The following SYPL2 variants were observed in gnomAD, a reference collection of about 807,000 sequenced individuals.
The protein encoded by SYPL2 is synaptophysin like 2.
Under a neutral mutation model 31.3 loss-of-function variants are expected in SYPL2, and 24 were observed. The ratio of observed to expected loss-of-function variants is 0.77; its 90% confidence interval spans 0.56 to 1.08. SYPL2 has a LOEUF of 1.08. Among genes scored for constraint, SYPL2 ranks in the 50% least tolerant of loss-of-function variants. The probability of loss-of-function intolerance (pLI) is 0.00; values close to 1 mark genes in which losing one functional copy is unlikely to be tolerated. For missense variants in SYPL2, 342 were observed against 360.1 expected, an observed-to-expected ratio of 0.95 and a Z score of 0.41; for synonymous variants, 144 against 143.1, an observed-to-expected ratio of 1.01 and a Z score of -0.05.
rs1158381642 is a variant in SYPL2 at position 109,478,031 on chromosome 1, G to T, written c.648+22G>T. ...CGTGGTGAGACCTGTGGCCACTGCA[G>T]GAAGCAGCACCAGCCCTGCTGCCCA... is the stretch of plus-strand genomic sequence containing the variant. On this transcript the variant is annotated intron_variant, in intron 5 of 5. Transcript: ENST00000369872. This position sits in a 1 kb window ranked among gnomAD's most constrained non-coding sequence, Gnocchi z 4.0. 3 of 1,612,854 alleles carry T rather than the reference G, an allele frequency of 1.9e-6. No homozygotes were observed. In the Admixed American group the frequency reaches 5.0e-5, roughly 27 times the overall value.
chr1:109,467,032 AC>A (rs138525393), intron 1 of SYPL2, 26 bp from the exon 2 acceptor site: 1,084,820 of 1,542,516 alleles, frequency 0.7, 387,097 homozygotes, highest in East Asian at 0.97. Flanking sequence ...CACCGCCCTG[AC>A]CCCCCGGCCG....
chr1:109,468,595 A>C (rs1047743808), intron 2 of SYPL2, among the ~76,000 whole-genome samples: 1 of 152,210 alleles, frequency 6.6e-6, no homozygotes, highest in African/African-American at 2.4e-5. Flanking sequence ...TAAGGCTCTG[A>C]GTGACTGGCA....
rs1035355382 is a variant in SYPL2, at chr1:109,475,664, G to A, written c.213G>A (p.Lys71=). The change falls in exon 3 of 6, where the codon AAG becomes AAA. Residue 71 remains lysine (K), a synonymous_variant. Transcript: ENST00000369872. ...GAMVRCNNEA[K]DVSSIIVAFG... ...TGGTTCGCTGCAACAACGAAGCCAA[G>A]GACGTGAGCTCCATCATCGTTGCAT... 1.2e-6 allele frequency: 2 copies of A among 1,614,054 alleles called. No individual in the cohort carries two copies. Among genetic ancestry groups the A allele is most frequent in the African/African-American group, 2.7e-5 (2 of 74,936 alleles).
In SYPL2 at chr1:109,480,611, A is replaced by G. The variant is rs1285949105; in HGVS notation, c.*1063A>G. 1 of 152,402 alleles carries G rather than the reference A, an allele frequency of 6.6e-6. No individual in the cohort carries two copies. Among genetic ancestry groups the G allele is most frequent in the Non-Finnish European group, 1.5e-5 (1 of 68,016 alleles). The allele number at this position is 152,402 out of a possible 1,614,324, so 9.4% of individuals were successfully genotyped here. A position where few individuals can be genotyped will look rare whatever the true frequency, so the allele number is the denominator to read the frequency against. On this transcript the variant is annotated 3_prime_UTR_variant, in exon 6 of 6. Coordinates refer to ENST00000369872, the MANE Select transcript of SYPL2 (RefSeq NM_001040709.2). ...CCAGAGCCCCAGGATGGATGGGCCC[A>G]TTTTTTCCTTATTCCCTGCTCAGTT...
intron 5 of SYPL2, 33 bp from the exon 6 acceptor site, chr1:109,479,345 C>T (rs1466646877): frequency 1.2e-6 from 2 of 1,609,854 alleles, no homozygotes; most frequent in South Asian, 2.2e-5. Flanking sequence ...GACCCCCTGA[C>T]TATTCTCACA....
In SYPL2 at chr1:109,481,452, G is replaced by T. The variant is rs533742391; in HGVS notation, c.*1904G>T. 1 of 152,738 alleles carries T rather than the reference G, an allele frequency of 6.5e-6. No homozygotes were observed. Among genetic ancestry groups the T allele is most frequent in the Admixed American group, 6.5e-5 (1 of 15,302 alleles). 9.5% of individuals were successfully genotyped at this position (152,738 alleles called of 1,614,324 possible). ...TTTCTTCAAGCCGGCCTCTGTGGGG[G>T]TCTGTGAGCAGCTTCTACTGGATCT... On this transcript the variant is annotated 3_prime_UTR_variant, in exon 6 of 6. Coordinates refer to ENST00000369872, the MANE Select transcript of SYPL2 (RefSeq NM_001040709.2).
Position 109,479,810 on chromosome 1 carries a change from G to T in SYPL2, c.*262G>T. 1.9e-6 allele frequency: 1 copy of T among 514,514 alleles called. No individual in the cohort carries two copies. The highest frequency in any genetic ancestry group is 3.4e-6 in the Non-Finnish European group (1 of 290,964). 31.9% of individuals were successfully genotyped at this position (514,514 alleles called of 1,614,324 possible). A position where few individuals can be genotyped will look rare whatever the true frequency, so the allele number is the denominator to read the frequency against. ...CCTGGACCCAGGTATCTTACTTGGG[G>T]TCTTACTTGTACCCTTACAGTCTCT... On this transcript the variant is annotated 3_prime_UTR_variant, in exon 6 of 6. Coordinates refer to ENST00000369872, the MANE Select transcript of SYPL2 (RefSeq NM_001040709.2).
chr1:109,474,351 G>A (rs1201589540), intron 2 of SYPL2, among the ~76,000 whole-genome samples: 7 of 145,576 alleles, frequency 4.8e-5, no homozygotes, highest in Non-Finnish European at 6.0e-5. Context: ...GGCGGTGGGC[G>A]GGAGAGGGAC....
At chr1:109,474,425 C>G (rs1168062287) in intron 2 of SYPL2, among the ~76,000 whole-genome samples, 2 of 151,268 alleles carry the variant, frequency 1.3e-5, no homozygotes, top group East Asian at 3.9e-4. Flanking sequence ...GCAACCTCCG[C>G]CTCCCGGGTT....
At chr1:109,473,404 A>T (rs1451671552) in intron 2 of SYPL2, among the ~76,000 whole-genome samples, 2 of 152,126 alleles carry the variant, frequency 1.3e-5, no homozygotes, top group Non-Finnish European at 2.9e-5. Flanking sequence ...TTATTTGGAG[A>T]GAGGCCAATG....
intron 2 of SYPL2, among the ~76,000 whole-genome samples, chr1:109,469,976 T>C (rs1357279597): frequency 1.3e-5 from 2 of 151,716 alleles, no homozygotes; most frequent in African/African-American, 4.8e-5. Context: ...TGAGTAAATA[T>C]CAAATCTTTT....
intron 2 of SYPL2, among the ~76,000 whole-genome samples, chr1:109,473,179 GGGTAA>G (rs1229610175): frequency 4.6e-5 from 7 of 152,202 alleles, no homozygotes; most frequent in African/African-American, 1.7e-4. Context: ...AGTAAGTAAA[GGGTAA>G]TGATGCAGAG....
chr1:109,472,605 CTTTT>C (rs59224604), intron 2 of SYPL2, among the ~76,000 whole-genome samples: 12 of 71,072 alleles, frequency 1.7e-4, no homozygotes, highest in South Asian at 1.1e-3. Context: ...TTTTTCTTTA[CTTTT>C]TTTTTTTTTT....
intron 2 of SYPL2, 66 bp from the exon 3 acceptor site, chr1:109,475,515 C>T (rs1182605975): frequency 1.4e-5 from 22 of 1,574,804 alleles, no homozygotes; most frequent in African/African-American, 6.8e-5. Flanking sequence ...CGGGGAGTCA[C>T]GGTTAGTTCT....
At position 109,479,909 on chromosome 1, in the gene SYPL2, C is replaced by T. The variant is rs186892100; in HGVS notation, c.*361C>T. On this transcript the variant is annotated 3_prime_UTR_variant, in exon 6 of 6. Transcript: ENST00000369872. ...CTCTGAGACTGGTTCCTAGCAGCCA[C>T]CTTTCTGTCAACCTGTCCGGCTTCA... 2.2e-5 allele frequency: 5 copies of T among 226,980 alleles called. No individual in the cohort carries two copies. The highest frequency in any genetic ancestry group is 1.6e-4 in the Admixed American group (3 of 19,008). 14.1% of individuals were successfully genotyped at this position (226,980 alleles called of 1,614,324 possible). A position where few individuals can be genotyped will look rare whatever the true frequency, so the allele number is the denominator to read the frequency against.
intron 2 of SYPL2, among the ~76,000 whole-genome samples, chr1:109,474,588 G>A (rs1217975119): frequency 6.6e-6 from 1 of 151,880 alleles, no homozygotes; most frequent in East Asian, 1.9e-4. Flanking sequence ...TGATCCACCC[G>A]CCTCAGCCTC....
In SYPL2 at chr1:109,478,536, G is replaced by A. The variant is rs181487678; in HGVS notation, c.648+527G>A. On this transcript the variant is annotated intron_variant, in intron 5 of 5. Coordinates refer to ENST00000369872, the MANE Select transcript of SYPL2 (RefSeq NM_001040709.2). The surrounding 1 kb of genome is among the most constrained non-coding windows in gnomAD (Gnocchi z 4.0). ...AAATATGTCCATATCCATTGGTAAA[G>A]AGCTGAGGTCTTGAGCTTCTCAAAT... Among the ~76,000 whole-genome samples, 1 of 152,292 alleles carries A rather than the reference G, an allele frequency of 6.6e-6. No homozygotes were observed. The highest frequency in any genetic ancestry group is 1.9e-4 in the East Asian group (1 of 5,184).
Position 109,476,939 on chromosome 1 carries a change from C to T in SYPL2, c.418C>T (p.His140Tyr). The T allele has an allele frequency of 6.2e-7, 1 of 1,614,156 alleles. No individual in the cohort carries two copies. Among genetic ancestry groups the T allele is most frequent in the Non-Finnish European group, 8.5e-7 (1 of 1,180,024 alleles). ...MAALVIYLRF[H>Y]NLYTENKRFP... is the part of the protein sequence containing the mutation. ...TGCCCTAGTTATCTACCTGCGCTTC[C>T]ACAACCTCTACACAGAGAACAAACG... The change falls in exon 4 of 6, where the codon CAC (histidine) becomes TAC (tyrosine). Residue 140 changes from histidine (H) to tyrosine (Y), a missense_variant. Physicochemically the swap from His to Tyr is moderately conservative, Grantham distance 83. Transcript: ENST00000369872.
At chr1:109,475,491 A>C in intron 2 of SYPL2, 90 bp from the exon 3 acceptor site, 1 of 1,521,226 alleles carries the variant, frequency 6.6e-7, no homozygotes, top group East Asian at 2.3e-5. Context: ...TCCCGCACTT[A>C]ATGTCTGCAC....
Sources: allele counts gnomAD v4.1 joint callset (sites outside exome capture counted in the v4.1 genomes callset), GRCh38; gene constraint gnomAD v4.1.1; non-coding constraint Gnocchi (gnomAD v3.1); transcripts MANE v1.5; gene names NCBI Gene and HGNC (gene_info 2026-07-23, HGNC 2026-07-21).